The following TINAG variants were observed in gnomAD, a reference collection of about 807,000 sequenced individuals.
TINAG encodes the protein tubulointerstitial nephritis antigen.
Under a neutral mutation model 72.7 loss-of-function variants are expected in TINAG, and 83 were observed. The ratio of observed to expected loss-of-function variants is 1.14; its 90% CI spans 0.96 to 1.37. The LOEUF (loss-of-function observed/expected upper bound fraction) is 1.37, where lower values mean the gene tolerates loss of function less well. Ranked by LOEUF, TINAG falls within the 40% of genes most tolerant of loss-of-function variation. The pLI is 0.00. For synonymous variants in TINAG, 234 were observed against 189.9 expected, an observed-to-expected ratio of 1.23 and a Z score of -1.91; for missense variants, 685 against 576.6, an observed-to-expected ratio of 1.19 and a Z score of -1.93.
At chr6:54,353,776 G>C (rs148025933) in intron 8 of TINAG, among the ~76,000 whole-genome samples, 1 of 151,686 alleles carries the variant, frequency 6.6e-6, no homozygotes, top group South Asian at 2.1e-4. Context: ...GACAAGTATT[G>C]TACACAGTTA....
At chr6:54,369,120 T>C (rs1049653138) in intron 9 of TINAG, among the ~76,000 whole-genome samples, 3 of 151,922 alleles carry the variant, frequency 2.0e-5, no homozygotes, top group African/African-American at 7.2e-5. Context: ...CAATATGTAA[T>C]GTTTGTAAGA....
intron 2 of TINAG, among the ~76,000 whole-genome samples, chr6:54,321,038 G>A (rs1482105383): frequency 1.3e-5 from 2 of 152,112 alleles, no homozygotes; most frequent in Non-Finnish European, 2.9e-5. Flanking sequence ...TGAATCTACT[G>A]TCCAATTTGG....
intron 1 of TINAG, among the ~76,000 whole-genome samples, chr6:54,311,007 C>T (rs1396893831): frequency 4.0e-5 from 6 of 150,244 alleles, no homozygotes; most frequent in Non-Finnish European, 8.9e-5. Flanking sequence ...CCTTTCTATT[C>T]CTTTCCTTTC....
Position 54,389,853 on chromosome 6 carries a change from A to G in TINAG, c.1359A>G (p.Gly453=). ...GENGYFRILR[G]VNESDIEKLI... is the part of the protein sequence containing the mutation. ...ATGGCTATTTCAGGATTCTTCGAGG[A>G]GTAAATGAGTCCGACATTGAAAAGT... Residue 453 remains glycine, a synonymous_variant, in exon 11 of 11, where the codon GGA becomes GGG. Transcript: ENST00000259782. 1 of 1,610,730 alleles carries G rather than the reference A, an allele frequency of 6.2e-7. No individual in the cohort carries two copies. The highest frequency in any genetic ancestry group is 8.5e-7 in the Non-Finnish European group (1 of 1,178,604).
Position 54,373,794 on chromosome 6 carries a change from C to G in TINAG, c.1251-6732C>G, listed in dbSNP as rs191401781. ...TATGCTATAATTTCTGAGTCTCCTT[C>G]CAGTGCTAAGATTCTATGAGAAGGC... On this transcript the variant is annotated intron_variant, in intron 9 of 10. Coordinates refer to ENST00000259782, the MANE Select transcript of TINAG (RefSeq NM_014464.4). Among the ~76,000 whole-genome samples the G allele has an allele frequency of 8.9e-4, 136 of 152,224 alleles. 1 individual carries two copies. The highest frequency in any genetic ancestry group is 3.2e-3 in the African/African-American group (133 of 41,560).
chr6:54,347,519 T>C lies in TINAG; in HGVS notation c.899+2T>C, dbSNP rs1360487689. On this transcript the variant is annotated splice_donor_variant, in intron 6 of 10. Transcript: ENST00000259782. LOFTEE classifies it high-confidence loss of function. The stretch of plus-strand genomic sequence containing the variant: ...TTGGTGGTACCTGAGAAAACGTGGG[T>C]AAATAGCTGCTCAACATGTGTTTCT... 6.2e-7 allele frequency: 1 copy of C among 1,612,248 alleles called. No individual in the cohort carries two copies.
intron 5 of TINAG, among the ~76,000 whole-genome samples, chr6:54,343,666 C>G (rs1456472842): frequency 1.3e-5 from 2 of 151,500 alleles, no homozygotes; most frequent in African/African-American, 4.8e-5. Context: ...GGTTCTTTTT[C>G]ATTCATATAT....
chr6:54,311,202 A>T (rs972795258), intron 1 of TINAG, among the ~76,000 whole-genome samples: 3 of 151,652 alleles, frequency 2.0e-5, no homozygotes, highest in African/African-American at 4.9e-5. Context: ...ATGTTTTAAG[A>T]CTCTCTCCAT....
At chr6:54,365,057 C>T (rs1763364361) in intron 9 of TINAG, among the ~76,000 whole-genome samples, 1 of 151,428 alleles carries the variant, frequency 6.6e-6, no homozygotes, top group Non-Finnish European at 1.5e-5. Flanking sequence ...AATTTTCATG[C>T]TATGTTATGT....
chr6:54,362,899 G>GA (rs1215779956), intron 9 of TINAG, among the ~76,000 whole-genome samples: 1 of 151,542 alleles, frequency 6.6e-6, no homozygotes, highest in Non-Finnish European at 1.5e-5. Flanking sequence ...GGTGGAAATA[G>GA]AAAAACAACT....
chr6:54,340,935 A>T, intron 4 of TINAG, among the ~76,000 whole-genome samples: 1 of 152,232 alleles, frequency 6.6e-6, no homozygotes. Context: ...GTATTTCATT[A>T]TTATTATTAA....
intron 10 of TINAG, among the ~76,000 whole-genome samples, chr6:54,384,738 A>T (rs901714184): frequency 7.2e-5 from 11 of 152,322 alleles, no homozygotes; most frequent in South Asian, 2.1e-4. Flanking sequence ...ACAGAAAAAA[A>T]GTAGGCAAAT....
intron 2 of TINAG, 124 bp downstream of exon 2, chr6:54,320,766 G>A: frequency 1.5e-6 from 1 of 661,946 alleles, no homozygotes; most frequent in Non-Finnish European, 2.5e-6. Context: ...TACATCATAA[G>A]ACATCATGTA....
At chr6:54,316,662 A>G (rs1784379723) in intron 1 of TINAG, among the ~76,000 whole-genome samples, 2 of 152,168 alleles carry the variant, frequency 1.3e-5, no homozygotes, top group Admixed American at 6.6e-5. Flanking sequence ...ACATGTCATT[A>G]TCTTTTTGCA....
upstream of TINAG, chr6:54,307,966 G>C: frequency 7.1e-7 from 1 of 1,405,862 alleles, no homozygotes; most frequent in Non-Finnish European, 9.8e-7. Flanking sequence ...AAACGCTTCT[G>C]GTAGGTAAAT....
Position 54,360,708 on chromosome 6 carries a change from C to T in TINAG, c.1250+6072C>T, listed in dbSNP as rs149363343. ...CAACAGTAACATTTTTAGAAAATTA[C>T]AGGAAAGAATTAGTATAAACATTGA... On this transcript the variant is annotated intron_variant, in intron 9 of 10. Coordinates refer to ENST00000259782, the MANE Select transcript of TINAG (RefSeq NM_014464.4). Among the ~76,000 whole-genome samples, 862 of 151,564 alleles carry T rather than the reference C, an allele frequency of 5.7e-3. 11 individuals carry two copies. The highest frequency in any genetic ancestry group is 0.02 in the African/African-American group (819 of 41,420).
intron 1 of TINAG, among the ~76,000 whole-genome samples, chr6:54,317,694 T>C (rs1784404364): frequency 6.6e-6 from 1 of 152,288 alleles, no homozygotes; most frequent in South Asian, 2.1e-4. Context: ...TGTTTTTGCC[T>C]TTCCCAACTT....
intron 8 of TINAG, among the ~76,000 whole-genome samples, chr6:54,353,999 C>G (rs544454022): frequency 6.6e-6 from 1 of 151,834 alleles, no homozygotes; most frequent in African/African-American, 2.4e-5. Flanking sequence ...CTCTCCAGAG[C>G]TGGGAGGATG....
At chr6:54,312,977 C>A (rs1460628513) in intron 1 of TINAG, among the ~76,000 whole-genome samples, 1 of 152,096 alleles carries the variant, frequency 6.6e-6, no homozygotes, top group Non-Finnish European at 1.5e-5. Context: ...CATTTTTGCT[C>A]CATATACAAC....
Sources: allele counts gnomAD v4.1 joint callset (sites outside exome capture counted in the v4.1 genomes callset), GRCh38; gene constraint gnomAD v4.1.1; transcripts MANE v1.5; gene names NCBI Gene and HGNC (gene_info 2026-07-23, HGNC 2026-07-21).